ZNF626: variants seen among roughly 807,000 people sequenced by gnomAD.
The protein encoded by ZNF626 is zinc finger protein 626, also known as CTC-513N18.7.
Under a neutral mutation model 11.7 loss-of-function variants are expected in ZNF626, and 4 were observed. The observed-to-expected ratio is 0.34, with a 90% confidence interval of 0.17 to 0.78. ZNF626 has a LOEUF of 0.78. Among genes scored for constraint, ZNF626 ranks in the 30% least tolerant of loss-of-function variants. The pLI, the probability that ZNF626 is intolerant of heterozygous loss-of-function variation, is 0.57. For synonymous variants in ZNF626, 179 were observed against 198.6 expected, an observed-to-expected ratio of 0.90 and a Z score of 0.83; for missense variants, 588 against 587.1, an observed-to-expected ratio of 1.00 and a Z score of -0.01.
chr19:20,623,748 G>C lies in ZNF626; in HGVS notation c.*542C>G. The C allele has an allele frequency of 4.5e-6, 1 of 221,048 alleles. No individual in the cohort carries two copies. The highest frequency in any genetic ancestry group is 8.9e-6 in the Non-Finnish European group (1 of 112,564). 13.7% of individuals were successfully genotyped at this position (221,048 alleles called of 1,614,324 possible). On this transcript the variant is annotated 3_prime_UTR_variant, in exon 4 of 4. Coordinates refer to ENST00000601440, the MANE Select transcript of ZNF626 (RefSeq NM_001076675.3). ...CAGAAGGCGGAGGTTGCAGTGAGCC[G>C]AGACTGTGCTATTGCACACCAGACT... is the stretch of plus-strand genomic sequence containing the variant.
chr19:20,660,789 C>T (rs541087907), intron 1 of ZNF626, among the ~76,000 whole-genome samples: 2 of 152,150 alleles, frequency 1.3e-5, no homozygotes, highest in East Asian at 1.9e-4. Flanking sequence ...GGGATCAGAC[C>T]GCACAATCTA....
Position 20,625,060 on chromosome 19 carries a change from T to C in ZNF626, c.817A>G (p.Ser273Gly), listed in dbSNP as rs1555769361. Residue 273 changes from serine (S) to glycine (G), a missense_variant, in exon 4 of 4, where the codon AGT becomes GGT. By Grantham distance (56) the Ser-to-Gly change is moderately conservative. This residue lies in a region of ZNF626 where 524 missense variants were observed against 470.1 expected (regional missense o/e 1.11). Transcript: ENST00000601440. Reference sequence around the variant, plus strand: ...TCCGTATGAATTATCTCATGTTTACTAAGGGTTGAGGATGACATAAAGGCT... The same window carrying C: ...TCCGTATGAATTATCTCATGTTTACCAAGGGTTGAGGATGACATAAAGGCT... ...GKAFMSSSTL[S>G]KHEIIHTEKK... 6.2e-7 allele frequency: 1 copy of C among 1,613,648 alleles called. No individual in the cohort carries two copies.
intron 3 of ZNF626, among the ~76,000 whole-genome samples, chr19:20,633,450 G>C (rs1434268299): frequency 6.6e-6 from 1 of 151,160 alleles, no homozygotes; most frequent in Non-Finnish European, 1.5e-5. Context: ...GAGCTTCCCG[G>C]CTGCTTTGTT....
Position 20,623,496 on chromosome 19 carries a change from C to G in ZNF626, c.*794G>C, listed in dbSNP as rs763672294. On this transcript the variant is annotated 3_prime_UTR_variant, in exon 4 of 4. Transcript: ENST00000601440. The stretch of plus-strand genomic sequence containing the variant: ...TCTTCAGAATGAATTATCACCATGT[C>G]TCTTAATAGTAAGAACTTGTGGCCA... 1.4e-4 allele frequency: 21 copies of G among 154,406 alleles called. No individual in the cohort carries two copies. Among genetic ancestry groups the G allele is most frequent in the Non-Finnish European group, 2.6e-4 (18 of 69,556 alleles). 9.6% of individuals were successfully genotyped at this position (154,406 alleles called of 1,614,324 possible).
intron 1 of ZNF626, among the ~76,000 whole-genome samples, chr19:20,648,175 C>CAAA (rs34417157): frequency 3.5e-4 from 36 of 104,114 alleles, no homozygotes; most frequent in African/African-American, 8.7e-4. Context: ...GACTCCGTGT[C>CAAA]AAAAAAAAAA....
rs1052376249 is a variant in ZNF626, at chr19:20,620,154, T to C, written c.*4136A>G. 1.3e-5 allele frequency: 2 copies of C among 152,198 alleles called. No individual in the cohort carries two copies. The highest frequency in any genetic ancestry group is 2.9e-5 in the Non-Finnish European group (2 of 68,032). 9.4% of individuals were successfully genotyped at this position (152,198 alleles called of 1,614,324 possible). ...TTGAAGAGGGCTTTTATTGTTGTAC[T>C]CAAGAGTGTTATTTCTGGAGACAAA... On this transcript the variant is annotated 3_prime_UTR_variant, in exon 4 of 4. Coordinates refer to ENST00000601440, the MANE Select transcript of ZNF626 (RefSeq NM_001076675.3).
intron 3 of ZNF626, among the ~76,000 whole-genome samples, chr19:20,626,646 C>T (rs1555769778): frequency 1.3e-5 from 2 of 152,000 alleles, no homozygotes; most frequent in African/African-American, 2.4e-5. Context: ...TTGCTTGAAC[C>T]TGGGAGGGGA....
At chr19:20,637,018 C>CACAAAAAAAAA (rs1969972942) in intron 3 of ZNF626, among the ~76,000 whole-genome samples, 1 of 58,768 alleles carries the variant, frequency 1.7e-5, no homozygotes, top group African/African-American at 6.5e-5. Flanking sequence ...GACTCCATCT[C>CACAAAAAAAAA]AAAAAAAAAA....
At chr19:20,646,628 C>G in intron 1 of ZNF626, among the ~76,000 whole-genome samples, 1 of 152,084 alleles carries the variant, frequency 6.6e-6, no homozygotes, top group East Asian at 1.9e-4. Context: ...ATGTATGTTT[C>G]TAGATAATAA....
At chr19:20,642,454 C>T (rs782682947) in intron 3 of ZNF626, among the ~76,000 whole-genome samples, 2 of 151,934 alleles carry the variant, frequency 1.3e-5, no homozygotes, top group Admixed American at 1.3e-4. Context: ...AAGAATTGGC[C>T]GGGGGTGGTG....
Position 20,636,183 on chromosome 19 carries a change from C to T in ZNF626, c.226+9501G>A, listed in dbSNP as rs4808257. 2.6e-5 allele frequency among the ~76,000 whole-genome samples: 4 copies of T among 152,020 alleles called. No homozygotes were observed. In the East Asian group the frequency reaches 5.8e-4, roughly 22 times the overall value. The stretch of plus-strand genomic sequence containing the variant: ...CCAAAAACCTGTTACACCATACCTA[C>T]AAAACAAATATACAAGTGACACAAA... On this transcript the variant is annotated intron_variant, in intron 3 of 3. Transcript: ENST00000601440.
chr19:20,661,507 G>C lies in ZNF626; in HGVS notation c.-61C>G. On this transcript the variant is annotated 5_prime_UTR_variant, in exon 1 of 4. Transcript: ENST00000601440. ...GGATCTCCCAATACCTGCAGGACAC[G>C]GGGCCACACAGCCTGGGCCTTTAGG... 1.3e-6 allele frequency: 2 copies of C among 1,598,196 alleles called. No homozygotes were observed. The highest frequency in any genetic ancestry group is 1.1e-5 in the South Asian group (1 of 89,796).
chr19:20,625,614 T>G lies in ZNF626; in HGVS notation c.263A>C (p.Glu88Ala). The change falls in exon 4 of 4, where the codon GAG (glutamate) becomes GCG (alanine). Residue 88 changes from glutamate (E) to alanine (A), a missense_variant. By Grantham distance (107) the Glu-to-Ala change is moderately radical. Coordinates refer to ENST00000601440, the MANE Select transcript of ZNF626 (RefSeq NM_001076675.3). ...CSHFAQDLWP[E>A]QSMKDSFQKV... ...TTGGAAAGAATCTTTCATGCTCTGC[T>G]CTGGCCAAAGGTCTTGGGCAAAATG... 6.3e-7 allele frequency: 1 copy of G among 1,576,340 alleles called. No individual in the cohort carries two copies. Among genetic ancestry groups the G allele is most frequent in the Non-Finnish European group, 8.6e-7 (1 of 1,163,724 alleles).
chr19:20,631,607 A>C (rs1185008092), intron 3 of ZNF626, among the ~76,000 whole-genome samples: 2 of 114,720 alleles, frequency 1.7e-5, no homozygotes, highest in East Asian at 2.8e-4. Context: ...TAGGATTGCA[A>C]CCCCTGCCTT....
chr19:20,661,436 A>C lies in ZNF626; in HGVS notation c.3+8T>G. ...TCCTCTCTCGGGATGTCGGACCCTC[A>C]CTCTCACCATTTTTGGCTTCCAGGA... On this transcript the variant is annotated splice_region_variant and intron_variant, in intron 1 of 3. Coordinates refer to ENST00000601440, the MANE Select transcript of ZNF626 (RefSeq NM_001076675.3). The C allele has an allele frequency of 1.2e-6, 2 of 1,612,944 alleles. No homozygotes were observed. Among genetic ancestry groups the C allele is most frequent in the Non-Finnish European group, 1.7e-6 (2 of 1,179,566 alleles).
chr19:20,661,331 G>C, intron 1 of ZNF626, 113 bp downstream of exon 1: 2 of 1,391,982 alleles, frequency 1.4e-6, no homozygotes, highest in Non-Finnish European at 2.0e-6. Context: ...AGGAGAACTG[G>C]GGGAGCAGAC....
chr19:20,658,247 G>T (rs781912753), intron 1 of ZNF626, among the ~76,000 whole-genome samples: 1 of 152,202 alleles, frequency 6.6e-6, no homozygotes, highest in Non-Finnish European at 1.5e-5. Flanking sequence ...ATTATAACCG[G>T]GAGGTCCAGA....
chr19:20,660,831 T>C (rs1448257281), intron 1 of ZNF626, among the ~76,000 whole-genome samples: 1 of 152,180 alleles, frequency 6.6e-6, no homozygotes, highest in Middle Eastern at 3.2e-3. Context: ...ACCCAAACTT[T>C]TTCCAAATAA....
At chr19:20,645,619 T>C in intron 3 of ZNF626, 65 bp downstream of exon 3, 1 of 1,575,458 alleles carries the variant, frequency 6.3e-7, no homozygotes, top group Admixed American at 2.0e-5. Context: ...AAGGACTGGC[T>C]TTCTCTTTGA....
Sources: gnomAD v4.1 joint callset for allele counts (sites outside exome capture counted in the v4.1 genomes callset) on GRCh38, gnomAD v4.1.1 for gene constraint, gnomAD v4.1.1 regional missense constraint, MANE v1.5 for transcripts, NCBI Gene and HGNC (gene_info 2026-07-23, HGNC 2026-07-21) for gene names.